PITPNM1: variants seen among roughly 807,000 people sequenced by gnomAD.
PITPNM1 encodes the protein membrane-associated phosphatidylinositol transfer protein 1.
PITPNM1 carries 74 observed loss-of-function variants against 133.3 expected under a neutral mutation model. The observed-to-expected ratio is 0.56, with a 90% CI of 0.46 to 0.67. PITPNM1 has a LOEUF of 0.67. Among genes scored for constraint, PITPNM1 ranks in the 30% least tolerant of loss-of-function variants. The probability of loss-of-function intolerance (pLI) is 0.00; values close to 1 mark genes in which losing one functional copy is unlikely to be tolerated. For synonymous variants in PITPNM1, 738 were observed against 741.4 expected (o/e 1.00, Z 0.08); for missense variants, 1,398 against 1,739.5 (o/e 0.80, Z 3.49).
At chr11:67,496,135 T>G (rs1866112866) in intron 15 of PITPNM1, 43 bp downstream of exon 15, 1 of 1,457,450 alleles carries the variant, frequency 6.9e-7, no homozygotes, top group South Asian at 1.5e-5. Context: ...CCTTCCTGTG[T>G]GTGCCCTCCT....
intron 18 of PITPNM1, among the ~76,000 whole-genome samples, 184 bp downstream of exon 18, chr11:67,494,662 C>A (rs903498982): frequency 1.4e-5 from 2 of 147,128 alleles, no homozygotes; most frequent in African/African-American, 2.5e-5. Flanking sequence ...GGGAGACCAG[C>A]GGTTCCCAGG....
intron 2 of PITPNM1, chr11:67,503,827 T>G: frequency 2.6e-5 from 9 of 340,878 alleles, no homozygotes; most frequent in South Asian, 5.7e-5. Flanking sequence ...CCCCTCCTCA[T>G]TCTTGCCGCC....
chr11:67,499,701 G>C (rs1315597298), intron 8 of PITPNM1, 22 bp downstream of exon 8: 1 of 1,347,836 alleles, frequency 7.4e-7, no homozygotes, highest in South Asian at 1.5e-5. Flanking sequence ...CTGGGGGCCG[G>C]TGTCCTAGGC....
At chr11:67,503,906 G>T (rs1051288546) in intron 2 of PITPNM1, 197 bp downstream of exon 2, 1 of 517,246 alleles carries the variant, frequency 1.9e-6, no homozygotes, top group African/African-American at 2.0e-5. Flanking sequence ...ATCAGAGGAG[G>T]GCTGGGCACT....
rs772763913 is a variant in PITPNM1, at chr11:67,502,640, C to T, written c.157G>A (p.Gly53Arg). 1.1e-5 allele frequency: 17 copies of T among 1,613,390 alleles called. No individual in the cohort carries two copies. Among genetic ancestry groups the T allele is most frequent in the South Asian group, 2.2e-5 (2 of 91,092 alleles). The part of the protein sequence containing the change: ...LANRPYTDGP[G>R]GSGQYTHKVY... ...TTGTGTGTGTATTGCCCGCTGCCCCCGGGCCCATCCGTGTAGGGCCGGTTG... is the reference window on the plus strand; with the variant it reads ...TTGTGTGTGTATTGCCCGCTGCCCCTGGGCCCATCCGTGTAGGGCCGGTTG... Residue 53 changes from glycine (G) to arginine (R), a missense_variant, in exon 3 of 24, where the codon GGG becomes AGG. By Grantham distance (125) the Gly-to-Arg change is moderately radical. Around this residue, in one of 5 missense-constraint regions of PITPNM1, gnomAD observed 274 missense variants for 360.7 expected, o/e 0.76. Transcript: ENST00000356404. The surrounding 1 kb of genome is among the most constrained non-coding windows in gnomAD (Gnocchi z 5.9).
At chr11:67,497,720 A>G (rs1469301741) in intron 12 of PITPNM1, 41 bp from the exon 13 acceptor site, 1 of 1,599,764 alleles carries the variant, frequency 6.3e-7, no homozygotes. Flanking sequence ...AGGCCTGGGG[A>G]CCATTCGAAT....
chr11:67,495,101 G>T lies in PITPNM1; in HGVS notation c.2607C>A (p.Asp869Glu). Residue 869 changes from aspartate (D) to glutamate (E), a missense_variant, in exon 17 of 24, where the codon GAC becomes GAA. Asp to Glu is a conservative substitution (Grantham distance 45, BLOSUM62 2). Transcript: ENST00000356404. ...CCTGGCGCAGGATGAACGCCACCAC[G>T]TCGGCGGACTCCCAGTAGCTGGCGT... Reference protein sequence around the residue: ...LFHASYWESADVVAFILRQVI... With the variant: ...LFHASYWESAEVVAFILRQVI... 1 of 1,612,716 alleles carries T rather than the reference G, an allele frequency of 6.2e-7. No individual in the cohort carries two copies. The highest frequency in any genetic ancestry group is 8.5e-7 in the Non-Finnish European group (1 of 1,179,874).
At position 67,491,948 on chromosome 11, in the gene PITPNM1, G is replaced by C; in HGVS notation, c.*85C>G. ...GGGGGGGCCAGCGCTGGGGCCAAAA[G>C]TCTGGGTCCCCAGCCTCCCACACGC... is the stretch of plus-strand genomic sequence containing the variant. On this transcript the variant is annotated 3_prime_UTR_variant, in exon 24 of 24. Coordinates refer to ENST00000356404, the MANE Select transcript of PITPNM1 (RefSeq NM_004910.3). 2.0e-6 allele frequency: 3 copies of C among 1,486,048 alleles called. No homozygotes were observed. Among genetic ancestry groups the C allele is most frequent in the Non-Finnish European group, 2.7e-6 (3 of 1,098,458 alleles). The allele number at this position is 1,486,048 out of a possible 1,614,324, so 92.1% of individuals were successfully genotyped here.
At position 67,497,560 on chromosome 11, in the gene PITPNM1, G is replaced by A. The variant is rs771558284; in HGVS notation, c.1902C>T (p.Ser634=). 79 of 1,609,072 alleles carry A rather than the reference G, an allele frequency of 4.9e-5. No individual in the cohort carries two copies. In the Admixed American group the frequency reaches 1.0e-3, roughly 21 times the overall value. The change falls in exon 13 of 24, where the codon AGC becomes AGT. Residue 634 remains serine, a synonymous_variant. Transcript: ENST00000356404. The part of the protein sequence containing the change: ...PSALPPQRIP[S]DMASPEPEGS... ...CCTCGGGCTCAGGACTGGCCATGTC[G>A]CTGGGGATGCGCTGGGGAGGCAAGG...
chr11:67,498,687 GGGT>G lies in PITPNM1; in HGVS notation c.1390_1392del (p.Thr464del). ...CCCAAGGCCTCAGGGAAGTGGATGC[GGGT>G]GACGGCCTCGAAGGCGGAGCTCAGC... On this transcript the variant is annotated inframe_deletion, in exon 10 of 24. Coordinates refer to ENST00000356404, the MANE Select transcript of PITPNM1 (RefSeq NM_004910.3). The surrounding 1 kb of genome is among the most constrained non-coding windows in gnomAD (Gnocchi z 5.7). 6.2e-7 allele frequency: 1 copy of G among 1,604,038 alleles called. No individual in the cohort carries two copies. Among genetic ancestry groups the G allele is most frequent in the Non-Finnish European group, 8.5e-7 (1 of 1,179,940 alleles).
chr11:67,497,694 A>G lies in PITPNM1; in HGVS notation c.1783-15T>C. 6.2e-7 allele frequency: 1 copy of G among 1,607,456 alleles called. No individual in the cohort carries two copies. The highest frequency in any genetic ancestry group is 1.1e-5 in the South Asian group (1 of 90,376). ...AGCTCATTGTTCTGGATGGAACAGG[A>G]GACAGAAACATTCTTAGGCCTGGGG... On this transcript the variant is annotated splice_polypyrimidine_tract_variant and intron_variant, in intron 12 of 23. Transcript: ENST00000356404.
intron 5 of PITPNM1, among the ~76,000 whole-genome samples, chr11:67,501,651 C>T (rs1236030386): frequency 6.6e-6 from 1 of 152,204 alleles, no homozygotes; most frequent in African/African-American, 2.4e-5. Flanking sequence ...ATGTCAGAGC[C>T]AGTATGGACC....
At position 67,493,042 on chromosome 11, in the gene PITPNM1, G is replaced by C. The variant is rs777152377; in HGVS notation, c.3363C>G (p.Ala1121=). 25 of 1,612,912 alleles carry C rather than the reference G, an allele frequency of 1.5e-5. No individual in the cohort carries two copies. Among genetic ancestry groups the C allele is most frequent in the Admixed American group, 6.7e-5 (4 of 60,000 alleles). Residue 1121 remains alanine (A), a synonymous_variant, in exon 23 of 24, where the codon GCC becomes GCG. Transcript: ENST00000356404. ...LVQEVELNIV[A]GYGSPKDVAV... ...CCACATCTTTGGGAGACCCATAACCGGCCACGATGTTCAGTTCTACCTGTG... is the reference window on the plus strand; with the variant it reads ...CCACATCTTTGGGAGACCCATAACCCGCCACGATGTTCAGTTCTACCTGTG...
At chr11:67,500,997 CTTA>C (rs1238837267) in intron 5 of PITPNM1, among the ~76,000 whole-genome samples, 3 of 152,162 alleles carry the variant, frequency 2.0e-5, no homozygotes, top group Admixed American at 6.5e-5. Flanking sequence ...CTATATTTTT[CTTA>C]TTTGTGCTTT....
intron 23 of PITPNM1, among the ~76,000 whole-genome samples, 194 bp from the exon 24 acceptor site, chr11:67,492,490 C>T (rs1181742552): frequency 6.6e-6 from 1 of 152,240 alleles, no homozygotes; most frequent in Non-Finnish European, 1.5e-5. Context: ...CCTAGCTCTG[C>T]CCTTCTCTGG....
chr11:67,498,523 C>T lies in PITPNM1; in HGVS notation c.1484+73G>A. The T allele has an allele frequency of 3.9e-6, 6 of 1,549,564 alleles. No individual in the cohort carries two copies. The highest frequency in any genetic ancestry group is 3.6e-5 in the South Asian group (3 of 83,622). On this transcript the variant is annotated intron_variant, in intron 10 of 23. Coordinates refer to ENST00000356404, the MANE Select transcript of PITPNM1 (RefSeq NM_004910.3). This position sits in a 1 kb window ranked among gnomAD's most constrained non-coding sequence, Gnocchi z 5.7. The stretch of plus-strand genomic sequence containing the variant: ...CGACCCAGGTGTCTGGCTTCCTGAC[C>T]CCTTCCCCGCTCCCTGCCCCGCTCC...
In PITPNM1 at chr11:67,502,076, G is replaced by A. The variant is rs1457845524; in HGVS notation, c.426C>T (p.Asp142=). The change falls in exon 5 of 24, where the codon GAC becomes GAT. Residue 142 remains aspartate, a synonymous_variant. Coordinates refer to ENST00000356404, the MANE Select transcript of PITPNM1 (RefSeq NM_004910.3). This position sits in a 1 kb window ranked among gnomAD's most constrained non-coding sequence, Gnocchi z 5.9. The part of the protein sequence containing the change: ...ERRQRILDTI[D]IVRDAVAPGE... ...CTGGGGCCACTGCATCCCGCACGATGTCGATGGTGTCTGAGGGAGTTCGGC... is the reference window on the plus strand; with the variant it reads ...CTGGGGCCACTGCATCCCGCACGATATCGATGGTGTCTGAGGGAGTTCGGC... 6.2e-7 allele frequency: 1 copy of A among 1,611,926 alleles called. No homozygotes were observed. Among genetic ancestry groups the A allele is most frequent in the Admixed American group, 1.7e-5 (1 of 59,986 alleles).
At chr11:67,495,796 C>T (rs1425121459) in intron 15 of PITPNM1, among the ~76,000 whole-genome samples, 194 bp from the exon 16 acceptor site, 1 of 152,234 alleles carries the variant, frequency 6.6e-6, no homozygotes, top group Admixed American at 6.5e-5. Context: ...TGCCACCGCC[C>T]CAAACGCTGC....
chr11:67,500,561 C>T, intron 5 of PITPNM1, 140 bp from the exon 6 acceptor site: 1 of 766,306 alleles, frequency 1.3e-6, no homozygotes, highest in South Asian at 1.7e-5. Context: ...AGGGCCAGTG[C>T]AGTCCAGGAA....
Sources: gnomAD v4.1 joint callset for allele counts (sites outside exome capture counted in the v4.1 genomes callset) on GRCh38, gnomAD v4.1.1 for gene constraint, gnomAD v4.1.1 regional missense constraint, Gnocchi (gnomAD v3.1) non-coding constraint, MANE v1.5 for transcripts, NCBI Gene and HGNC (gene_info 2026-07-23, HGNC 2026-07-21) for gene names.